MAML2: variants seen among roughly 807,000 people sequenced by gnomAD.
MAML2 encodes the protein mastermind like transcriptional coactivator 2.
Under a neutral mutation model 96.1 loss-of-function variants are expected in MAML2, and 22 were observed. That is an observed-to-expected ratio of 0.23 (90% CI 0.16 to 0.33). MAML2 has a LOEUF of 0.33. Among genes scored for constraint, MAML2 ranks in the 10% least tolerant of loss-of-function variants. The pLI, the probability that MAML2 is intolerant of heterozygous loss-of-function variation, is 1.00. For missense variants in MAML2, 1,367 were observed against 1,392.4 expected, an observed-to-expected ratio of 0.98 and a Z score of 0.29; for synonymous variants, 561 against 521.3, an observed-to-expected ratio of 1.08 and a Z score of -1.04.
chr11:96,156,320 T>G (rs1440243823), intron 1 of MAML2, among the ~76,000 whole-genome samples: 1 of 152,198 alleles, frequency 6.6e-6, no homozygotes, highest in Non-Finnish European at 1.5e-5. Flanking sequence ...TTCATGAAAT[T>G]AGTCACTTGG....
At chr11:96,126,209 A>G (rs1297060257) in intron 1 of MAML2, among the ~76,000 whole-genome samples, 2 of 152,224 alleles carry the variant, frequency 1.3e-5, no homozygotes, top group African/African-American at 4.8e-5. Flanking sequence ...TTGAGAAGAT[A>G]AAGTATAGAA....
intron 1 of MAML2, among the ~76,000 whole-genome samples, chr11:96,159,465 T>C (rs1591046239): frequency 2.6e-5 from 3 of 115,358 alleles, no homozygotes; most frequent in Non-Finnish European, 3.4e-5. Context: ...CAGGCTGGAG[T>C]GCAGTGGTGC....
At chr11:96,314,887 A>C (rs1400332068) in intron 1 of MAML2, among the ~76,000 whole-genome samples, 1 of 152,218 alleles carries the variant, frequency 6.6e-6, no homozygotes, top group African/African-American at 2.4e-5. Context: ...GAGGACAGAC[A>C]AAGTCAGCAT....
At chr11:96,071,570 G>T (rs970167462) in intron 2 of MAML2, among the ~76,000 whole-genome samples, 11 of 152,196 alleles carry the variant, frequency 7.2e-5, no homozygotes, top group African/African-American at 2.4e-4. Context: ...ATAGTTGAGG[G>T]TTAGGAGTAA....
At chr11:96,050,140 C>T (rs896043087) in intron 2 of MAML2, among the ~76,000 whole-genome samples, 7 of 152,164 alleles carry the variant, frequency 4.6e-5, no homozygotes, top group Admixed American at 1.3e-4. Flanking sequence ...ACCGGTGTGG[C>T]TCCTGGACCT....
chr11:95,989,995 C>T (rs1411105387), intron 3 of MAML2, among the ~76,000 whole-genome samples: 3 of 152,082 alleles, frequency 2.0e-5, no homozygotes, highest in Non-Finnish European at 4.4e-5. Context: ...TTTTGGTGCT[C>T]CACCCTCCAC....
At chr11:96,231,973 G>A (rs1862299861) in intron 1 of MAML2, among the ~76,000 whole-genome samples, 1 of 152,206 alleles carries the variant, frequency 6.6e-6, no homozygotes, top group South Asian at 2.1e-4. Flanking sequence ...ACCTGAGGAC[G>A]TAGGTGTCTA....
At chr11:96,187,450 C>T (rs1000280822) in intron 1 of MAML2, among the ~76,000 whole-genome samples, 1 of 152,202 alleles carries the variant, frequency 6.6e-6, no homozygotes, top group African/African-American at 2.4e-5. Context: ...ACTGCTGATC[C>T]TATCCCAGGT....
At chr11:96,113,048 A>G (rs1860157408) in intron 1 of MAML2, among the ~76,000 whole-genome samples, 1 of 150,106 alleles carries the variant, frequency 6.7e-6, no homozygotes, top group African/African-American at 2.5e-5. Flanking sequence ...TTCATCTTTT[A>G]TGAACAATCT....
intron 1 of MAML2, among the ~76,000 whole-genome samples, chr11:96,184,314 C>A (rs1861538106): frequency 6.6e-6 from 1 of 152,078 alleles, no homozygotes; most frequent in Non-Finnish European, 1.5e-5. Context: ...GTGGCACATA[C>A]CTGTAATCCC....
intron 2 of MAML2, among the ~76,000 whole-genome samples, chr11:96,057,942 C>G (rs1859095378): frequency 1.3e-5 from 2 of 152,216 alleles, no homozygotes; most frequent in South Asian, 4.1e-4. Context: ...GCAGTTATCA[C>G]TTTTCACTGC....
intron 1 of MAML2, among the ~76,000 whole-genome samples, chr11:96,130,770 ATT>A (rs35416611): frequency 1.4e-5 from 2 of 147,450 alleles, no homozygotes; most frequent in Non-Finnish European, 1.5e-5. Flanking sequence ...GTTTATTCTG[ATT>A]TTTTTTTTTT....
intron 1 of MAML2, among the ~76,000 whole-genome samples, chr11:96,244,042 A>G (rs75035249): frequency 0.01 from 1,540 of 152,316 alleles, 36 homozygotes; most frequent in African/African-American, 0.035. Context: ...GCGGACCTCA[A>G]GTGGCTTATT....
intron 1 of MAML2, among the ~76,000 whole-genome samples, chr11:96,333,113 A>G (rs1863874975): frequency 6.6e-6 from 1 of 152,230 alleles, no homozygotes; most frequent in Non-Finnish European, 1.5e-5. Flanking sequence ...TGTGGGTGAC[A>G]GTTATTAGAG....
intron 1 of MAML2, among the ~76,000 whole-genome samples, chr11:96,127,403 T>C (rs1660636337): frequency 6.6e-6 from 1 of 152,082 alleles, no homozygotes; most frequent in African/African-American, 2.4e-5. Flanking sequence ...AAATGGAGAG[T>C]TGCCATAGTT....
chr11:96,283,341 T>A (rs1863096597), intron 1 of MAML2, among the ~76,000 whole-genome samples: 1 of 152,146 alleles, frequency 6.6e-6, no homozygotes, highest in Non-Finnish European at 1.5e-5. Context: ...CTTTAGCACA[T>A]TTTTTTGTAG....
chr11:96,066,222 G>A (rs1212247225), intron 2 of MAML2, among the ~76,000 whole-genome samples: 1 of 152,142 alleles, frequency 6.6e-6, no homozygotes, highest in Non-Finnish European at 1.5e-5. Context: ...AAGCATCAGT[G>A]CTGAAGGGTC....
At chr11:96,339,624 C>G (rs1863965295) in intron 1 of MAML2, among the ~76,000 whole-genome samples, 2 of 152,304 alleles carry the variant, frequency 1.3e-5, no homozygotes, top group African/African-American at 4.8e-5. Context: ...GTTCCATCCC[C>G]AGAAACACTT....
chr11:96,153,725 C>G (rs1188376367), intron 1 of MAML2, among the ~76,000 whole-genome samples: 1 of 151,938 alleles, frequency 6.6e-6, no homozygotes, highest in Admixed American at 6.6e-5. Flanking sequence ...GCCTGACCAA[C>G]AAGGTGAAAC....
Sources: gnomAD v4.1 joint callset for allele counts (sites outside exome capture counted in the v4.1 genomes callset) on GRCh38, gnomAD v4.1.1 for gene constraint, MANE v1.5 for transcripts, NCBI Gene and HGNC (gene_info 2026-07-23, HGNC 2026-07-21) for gene names.